The following CLDN14 variants were observed in gnomAD, a reference collection of about 807,000 sequenced individuals.
CLDN14 encodes the protein claudin-14.
CLDN14 carries 2 observed loss-of-function variants against 2.1 expected under a neutral mutation model. The observed-to-expected ratio is 0.96, with a 90% CI of 0.39 to 3.01. The LOEUF (loss-of-function observed/expected upper bound fraction) is 3.01, where lower values mean the gene tolerates loss of function less well. Among genes scored for constraint, CLDN14 ranks in the 30% most tolerant of loss-of-function variants. The pLI, the probability that CLDN14 is intolerant of heterozygous loss-of-function variation, is 0.09. For synonymous variants in CLDN14, 136 were observed against 154.4 expected, an observed-to-expected ratio of 0.88 and a Z score of 0.88; for missense variants, 298 against 328.0, an observed-to-expected ratio of 0.91 and a Z score of 0.71.
At chr21:36,510,845 C>A (rs761817079) in intron 1 of CLDN14, among the ~76,000 whole-genome samples, 1 of 152,204 alleles carries the variant, frequency 6.6e-6, no homozygotes, top group Non-Finnish European at 1.5e-5. Context: ...GTGTTGGGGA[C>A]GCCAGTAAAG....
intron 1 of CLDN14, among the ~76,000 whole-genome samples, chr21:36,524,410 C>T (rs928271331): frequency 3.3e-5 from 5 of 152,212 alleles, no homozygotes; most frequent in Non-Finnish European, 5.9e-5. Context: ...GCATGAGCCA[C>T]GGCGCCTGGC....
At chr21:36,539,333 G>A (rs1416374126) in intron 1 of CLDN14, among the ~76,000 whole-genome samples, 8 of 151,434 alleles carry the variant, frequency 5.3e-5, no homozygotes, top group Non-Finnish European at 1.2e-4. Flanking sequence ...TGTGGAGTGT[G>A]TGTGGAGTGA....
intron 1 of CLDN14, among the ~76,000 whole-genome samples, chr21:36,562,624 T>A (rs2087643765): frequency 6.6e-6 from 1 of 152,222 alleles, no homozygotes; most frequent in East Asian, 1.9e-4. Flanking sequence ...AAAAATTAAT[T>A]TTTAATAATC....
chr21:36,527,581 A>C (rs985051412), intron 1 of CLDN14, among the ~76,000 whole-genome samples: 3 of 152,190 alleles, frequency 2.0e-5, no homozygotes, highest in African/African-American at 7.2e-5. Context: ...ATTACTCACC[A>C]ATGGAAAATA....
intron 1 of CLDN14, among the ~76,000 whole-genome samples, chr21:36,528,701 G>A (rs1238359946): frequency 6.6e-6 from 1 of 152,204 alleles, no homozygotes; most frequent in Non-Finnish European, 1.5e-5. Context: ...ATGCACCCTG[G>A]GCCGCAGGCT....
At chr21:36,485,843 G>A in intron 2 of CLDN14, 1 of 511,450 alleles carries the variant, frequency 2.0e-6, no homozygotes, top group South Asian at 2.7e-5. Flanking sequence ...GAAATGAGAG[G>A]TTCCATTTCC....
At chr21:36,492,435 C>T (rs572396027) in intron 2 of CLDN14, among the ~76,000 whole-genome samples, 28 of 40,024 alleles carry the variant, frequency 7.0e-4, no homozygotes, top group African/African-American at 2.1e-3. Context: ...AGCGAGACTC[C>T]GTCCCAAAAA....
chr21:36,506,596 C>CA (rs113812093), intron 2 of CLDN14, among the ~76,000 whole-genome samples: 6,767 of 105,348 alleles, frequency 0.064, 229 homozygotes, highest in Middle Eastern at 0.11. Flanking sequence ...GACTCTGTCT[C>CA]AAAAAAAAAA....
In CLDN14 at chr21:36,551,986, A is replaced by G. The variant is rs1329867038; in HGVS notation, c.-220+24425T>C. Among the ~76,000 whole-genome samples the G allele has an allele frequency of 6.6e-6, 1 of 152,158 alleles. No homozygotes were observed. The highest frequency in any genetic ancestry group is 1.5e-5 in the Non-Finnish European group (1 of 68,032). Reference sequence around the variant, plus strand: ...AGGAAAGGAGGTGGTTTCATGTGAGATTTCTACAGTTTGCTAACAGTAAAA... The same window carrying G: ...AGGAAAGGAGGTGGTTTCATGTGAGGTTTCTACAGTTTGCTAACAGTAAAA... On this transcript the variant is annotated intron_variant, in intron 1 of 2. Transcript: ENST00000342108. This position sits in a 1 kb window ranked among gnomAD's most constrained non-coding sequence, Gnocchi z 4.8.
At chr21:36,537,257 A>T (rs999807103) in intron 1 of CLDN14, among the ~76,000 whole-genome samples, 3 of 152,148 alleles carry the variant, frequency 2.0e-5, no homozygotes, top group African/African-American at 7.2e-5. Flanking sequence ...GAGAAAAAAA[A>T]ATCCAGGCTG....
intron 1 of CLDN14, chr21:36,510,567 A>G (rs1169623276): frequency 6.6e-6 from 1 of 152,292 alleles, no homozygotes; most frequent in Non-Finnish European, 1.5e-5. Flanking sequence ...AGTTACCTCT[A>G]GAGAGGAGGG....
intron 1 of CLDN14, among the ~76,000 whole-genome samples, chr21:36,569,830 A>G (rs1270852336): frequency 6.6e-6 from 1 of 152,254 alleles, no homozygotes; most frequent in Non-Finnish European, 1.5e-5. Flanking sequence ...TACAAAATGT[A>G]CAACTTCAGC....
intron 1 of CLDN14, among the ~76,000 whole-genome samples, chr21:36,561,108 T>C (rs543996003): frequency 2.0e-5 from 3 of 152,224 alleles, no homozygotes; most frequent in Non-Finnish European, 2.9e-5. Flanking sequence ...TTTCATCCCA[T>C]GCCGGCAACA....
intron 1 of CLDN14, among the ~76,000 whole-genome samples, chr21:36,467,342 C>T (rs146029576): frequency 0.023 from 3,533 of 152,288 alleles, 74 homozygotes; most frequent in Admixed American, 0.067. Flanking sequence ...TGGGGATCGC[C>T]TGGCCAGGAC....
At chr21:36,477,024 G>A (rs1255686782) in intron 1 of CLDN14, among the ~76,000 whole-genome samples, 1 of 152,220 alleles carries the variant, frequency 6.6e-6, no homozygotes, top group East Asian at 1.9e-4. Flanking sequence ...AAGAGTACCA[G>A]GCCCTGTAGG....
At chr21:36,518,075 TACACACACACACAC>T (rs3030072) in intron 1 of CLDN14, among the ~76,000 whole-genome samples, 7 of 148,444 alleles carry the variant, frequency 4.7e-5, no homozygotes, top group Non-Finnish European at 8.9e-5. Context: ...CTTACATACG[TACACACACACACAC>T]ACACACACAC....
chr21:36,539,829 G>A (rs2087470660), intron 1 of CLDN14, among the ~76,000 whole-genome samples: 1 of 151,002 alleles, frequency 6.6e-6, no homozygotes, highest in Non-Finnish European at 1.5e-5. Context: ...GAGTATGTCT[G>A]CAGAGTGAGT....
At chr21:36,535,634 A>G (rs1341983349) in intron 1 of CLDN14, among the ~76,000 whole-genome samples, 1 of 152,182 alleles carries the variant, frequency 6.6e-6, no homozygotes, top group Non-Finnish European at 1.5e-5. Context: ...TCTAGAAAGG[A>G]GATGAACAGG....
chr21:36,573,024 G>C (rs1413907446), intron 1 of CLDN14, among the ~76,000 whole-genome samples: 1 of 152,126 alleles, frequency 6.6e-6, no homozygotes, highest in Non-Finnish European at 1.5e-5. Context: ...AGGGGAGGCC[G>C]GGCGTGGTGG....
Sources: gnomAD v4.1 joint callset for allele counts (sites outside exome capture counted in the v4.1 genomes callset) on GRCh38, gnomAD v4.1.1 for gene constraint, Gnocchi (gnomAD v3.1) non-coding constraint, MANE v1.5 for transcripts, NCBI Gene and HGNC (gene_info 2026-07-23, HGNC 2026-07-21) for gene names.